CAMK2B: variants seen among roughly 807,000 people sequenced by gnomAD.
CAMK2B encodes calcium/calmodulin-dependent protein kinase type II subunit beta.
In CAMK2B, 27 loss-of-function variants were observed where a neutral mutation model predicts 93.7. That is an observed-to-expected ratio of 0.29 (90% CI 0.21 to 0.40). CAMK2B has a LOEUF of 0.40. Ranked by LOEUF, CAMK2B falls within the 10% of genes least tolerant of loss-of-function variation. The pLI is 1.00. For synonymous variants in CAMK2B, 374 were observed against 358.8 expected (o/e 1.04, Z -0.48); for missense variants, 568 against 895.8 (o/e 0.63, Z 4.67).
At chr7:44,288,901 C>A (rs960844398) in intron 1 of CAMK2B, among the ~76,000 whole-genome samples, 1 of 152,100 alleles carries the variant, frequency 6.6e-6, no homozygotes, top group African/African-American at 2.4e-5. Context: ...GCTGAGTGTA[C>A]CTCCCCTGAC....
At chr7:44,222,463 TCTCA>T (rs1583717035) in intron 20 of CAMK2B, among the ~76,000 whole-genome samples, 2 of 150,982 alleles carry the variant, frequency 1.3e-5, no homozygotes, top group Admixed American at 6.6e-5. Context: ...TTAGATGGAG[TCTCA>T]CTCTGTCACC....
chr7:44,285,732 C>A (rs947886580), intron 1 of CAMK2B, among the ~76,000 whole-genome samples: 1 of 150,116 alleles, frequency 6.7e-6, no homozygotes, highest in Non-Finnish European at 1.5e-5. Flanking sequence ...TGCGTCTTCG[C>A]TTTTTAAAGT....
At chr7:44,310,014 C>T (rs112116070) in intron 1 of CAMK2B, among the ~76,000 whole-genome samples, 9,188 of 152,318 alleles carry the variant, frequency 0.06, 436 homozygotes, top group Middle Eastern at 0.14. Context: ...GTGGGCGCCA[C>T]CGCCAGGGAC....
intron 2 of CAMK2B, among the ~76,000 whole-genome samples, chr7:44,275,421 C>A (rs1309940457): frequency 6.6e-6 from 1 of 152,256 alleles, no homozygotes; most frequent in Non-Finnish European, 1.5e-5. Flanking sequence ...GCTCCCTGTT[C>A]TCCTGGTCCT....
At chr7:44,277,245 C>G (rs1472287828) in intron 2 of CAMK2B, among the ~76,000 whole-genome samples, 3 of 152,164 alleles carry the variant, frequency 2.0e-5, no homozygotes, top group Admixed American at 6.5e-5. Flanking sequence ...TCTCTTTACC[C>G]CCGTCAATTA....
At chr7:44,279,893 A>G (rs2097088896) in intron 2 of CAMK2B, among the ~76,000 whole-genome samples, 1 of 152,212 alleles carries the variant, frequency 6.6e-6, no homozygotes, top group Non-Finnish European at 1.5e-5. Context: ...ACGCCCATGC[A>G]ACACAACTTT....
At chr7:44,234,020 T>C (rs1480517019) in intron 15 of CAMK2B, among the ~76,000 whole-genome samples, 2 of 152,170 alleles carry the variant, frequency 1.3e-5, no homozygotes, top group Non-Finnish European at 2.9e-5. Context: ...GTGGAGGAGC[T>C]GAGGGTGGGG....
chr7:44,226,287 G>A (rs865780021), intron 20 of CAMK2B, among the ~76,000 whole-genome samples: 1 of 152,126 alleles, frequency 6.6e-6, no homozygotes, highest in African/African-American at 2.4e-5. Flanking sequence ...TCTTTCGGAC[G>A]CTCTTCCTAT....
chr7:44,266,081 C>T (rs190753851), intron 2 of CAMK2B, among the ~76,000 whole-genome samples: 5 of 152,276 alleles, frequency 3.3e-5, no homozygotes, highest in Admixed American at 3.3e-4. Context: ...ATCCTGTCTC[C>T]AGTGACCAAG....
At chr7:44,235,103 C>G (rs994430737) in intron 13 of CAMK2B, among the ~76,000 whole-genome samples, 1 of 152,210 alleles carries the variant, frequency 6.6e-6, no homozygotes, top group African/African-American at 2.4e-5. Context: ...CCTCCCGGGC[C>G]CTGCCTTCCT....
chr7:44,250,406 T>TAG (rs1162493977), intron 5 of CAMK2B, among the ~76,000 whole-genome samples: 1 of 152,220 alleles, frequency 6.6e-6, no homozygotes, highest in East Asian at 1.9e-4. Context: ...CTTTTGTGAT[T>TAG]AGAATTGTTC....
intron 1 of CAMK2B, among the ~76,000 whole-genome samples, chr7:44,285,541 G>A (rs1031188550): frequency 2.4e-4 from 36 of 152,304 alleles, no homozygotes; most frequent in African/African-American, 6.3e-4. Flanking sequence ...TCTGCGTGGT[G>A]GAAGAGGAGC....
At chr7:44,240,932 A>C (rs1232660408) in intron 11 of CAMK2B, among the ~76,000 whole-genome samples, 183 bp from the exon 12 acceptor site, 1 of 152,032 alleles carries the variant, frequency 6.6e-6, no homozygotes, top group Non-Finnish European at 1.5e-5. Context: ...GAGACAGATC[A>C]CCTATTTCCA....
chr7:44,244,832 C>T (rs187597164), intron 6 of CAMK2B: 119 of 424,242 alleles, frequency 2.8e-4, no homozygotes, highest in African/African-American at 2.4e-3. Context: ...GGGATGAGGC[C>T]GTGTGCCCCC....
intron 5 of CAMK2B, among the ~76,000 whole-genome samples, chr7:44,249,406 C>A (rs2096759112): frequency 6.6e-6 from 1 of 152,156 alleles, no homozygotes; most frequent in African/African-American, 2.4e-5. Context: ...GTGTGGCCCT[C>A]CCAGGGGCCC....
chr7:44,234,871 C>T (rs1346405419), intron 13 of CAMK2B, among the ~76,000 whole-genome samples, 195 bp from the exon 14 acceptor site: 4 of 152,182 alleles, frequency 2.6e-5, no homozygotes, highest in African/African-American at 9.7e-5. Context: ...AGCCCTGTCT[C>T]CAGCCTCCTC....
chr7:44,284,046 C>T, intron 2 of CAMK2B, 85 bp downstream of exon 2: 4 of 966,038 alleles, frequency 4.1e-6, no homozygotes, highest in South Asian at 1.4e-5. Flanking sequence ...CTGGGAGGGG[C>T]CTGCTGCCCA....
intron 2 of CAMK2B, among the ~76,000 whole-genome samples, chr7:44,278,872 A>G (rs548237101): frequency 4.6e-5 from 7 of 152,230 alleles, no homozygotes; most frequent in Non-Finnish European, 1.0e-4. Context: ...TGGTAGGGCC[A>G]GCTCCCTCAT....
intron 6 of CAMK2B, among the ~76,000 whole-genome samples, chr7:44,245,964 T>G (rs1222237633): frequency 1.3e-5 from 2 of 151,224 alleles, no homozygotes; most frequent in Non-Finnish European, 3.0e-5. Context: ...GAAAGGAGAT[T>G]GGAAGGAAGG....
Sources: gnomAD v4.1 joint callset for allele counts (sites outside exome capture counted in the v4.1 genomes callset) on GRCh38, gnomAD v4.1.1 for gene constraint, MANE v1.5 for transcripts, NCBI Gene and HGNC (gene_info 2026-07-23, HGNC 2026-07-21) for gene names.